Variants in CSMD1 observed in about 807,000 individuals in gnomAD.
The protein encoded by CSMD1 is CUB and Sushi multiple domains 1, also known as CUB and sushi domain-containing protein 1.
CSMD1 carries 213 observed loss-of-function variants against 417.5 expected under a neutral mutation model. That is an observed-to-expected ratio of 0.51 (90% CI 0.46 to 0.57). The LOEUF is 0.57. CSMD1 is among the 20% of genes least tolerant of loss of function. The probability of loss-of-function intolerance (pLI) is 0.00; values close to 1 mark genes in which losing one functional copy is unlikely to be tolerated. For synonymous variants in CSMD1, 2,862 were observed against 1,736.8 expected, an observed-to-expected ratio of 1.65 and a Z score of -16.11; for missense variants, 6,923 against 4,529.7, an observed-to-expected ratio of 1.53 and a Z score of -15.17.
chr8:4,727,951 T>A (rs1585007294), intron 1 of CSMD1, among the ~76,000 whole-genome samples: 1 of 79,560 alleles, frequency 1.3e-5, no homozygotes, highest in East Asian at 3.5e-4. Flanking sequence ...AAAATATATA[T>A]ATGTATATAT....
chr8:2,991,456 CATTTTCTA>C (rs1176059463), intron 54 of CSMD1, among the ~76,000 whole-genome samples: 1 of 152,084 alleles, frequency 6.6e-6, no homozygotes, highest in East Asian at 1.9e-4. Context: ...AAACCAGAAT[CATTTTCTA>C]AAAGGCCAGA....
chr8:4,779,552 T>G (rs529255390), intron 1 of CSMD1, among the ~76,000 whole-genome samples: 4 of 152,274 alleles, frequency 2.6e-5, no homozygotes, highest in Admixed American at 6.5e-5. Context: ...GTTATAAATG[T>G]CAAGAACAAA....
chr8:4,968,550 T>A (rs545465049), intron 1 of CSMD1, among the ~76,000 whole-genome samples: 2 of 152,080 alleles, frequency 1.3e-5, no homozygotes, highest in South Asian at 2.1e-4. Flanking sequence ...TTAATATTTT[T>A]TATATATATT....
At chr8:4,288,676 T>C (rs56087501) in intron 3 of CSMD1, among the ~76,000 whole-genome samples, 1 of 152,268 alleles carries the variant, frequency 6.6e-6, no homozygotes, top group African/African-American at 2.4e-5. Context: ...CTTTTCAACA[T>C]TTGTAACCTC....
At chr8:4,459,284 T>C (rs1799667255) in intron 2 of CSMD1, among the ~76,000 whole-genome samples, 1 of 152,234 alleles carries the variant, frequency 6.6e-6, no homozygotes. Flanking sequence ...CTGTCACTTG[T>C]GCACCAGATG....
chr8:4,032,094 G>C lies in CSMD1; in HGVS notation c.421C>G (p.Pro141Ala), dbSNP rs776669654. 14 of 1,601,802 alleles carry C rather than the reference G, an allele frequency of 8.7e-6. No homozygotes were observed. The highest frequency in any genetic ancestry group is 4.5e-5 in the East Asian group (2 of 44,604). ...CCAGGATTTCCACAAGTGTGGCTAG[G>C]TAAAACTATTGGAAAAAGAAAAGAA... Reference protein sequence around the residue: ...QGFKALYEVLPSHTCGNPGEI... With the variant: ...QGFKALYEVLASHTCGNPGEI... The change falls in exon 4 of 70, where the codon CCT (proline) becomes GCT (alanine). Residue 141 changes from proline (P) to alanine (A), a missense_variant. Transcript: ENST00000635120.
chr8:4,852,598 A>G (rs1801542332), intron 1 of CSMD1, among the ~76,000 whole-genome samples: 1 of 152,162 alleles, frequency 6.6e-6, no homozygotes, highest in East Asian at 1.9e-4. Flanking sequence ...CAGGAGTGGG[A>G]TGTTGCTATA....
intron 3 of CSMD1, among the ~76,000 whole-genome samples, chr8:4,397,962 C>G (rs988180023): frequency 6.6e-6 from 1 of 152,168 alleles, no homozygotes; most frequent in African/African-American, 2.4e-5. Context: ...TTGTCATACA[C>G]CTGCTACTGA....
intron 3 of CSMD1, among the ~76,000 whole-genome samples, chr8:4,194,958 A>G (rs1799244751): frequency 6.6e-6 from 1 of 151,810 alleles, no homozygotes; most frequent in African/African-American, 2.4e-5. Flanking sequence ...GTGAAAATGA[A>G]TATGAGAATG....
chr8:3,588,081 C>G (rs1419362011), intron 8 of CSMD1, among the ~76,000 whole-genome samples: 1 of 150,524 alleles, frequency 6.6e-6, no homozygotes, highest in Admixed American at 6.6e-5. Context: ...AAGAAATTTT[C>G]TTTTAAAAAA....
intron 2 of CSMD1, among the ~76,000 whole-genome samples, chr8:4,433,007 C>T (rs950468563): frequency 6.6e-6 from 1 of 152,124 alleles, no homozygotes; most frequent in Non-Finnish European, 1.5e-5. Context: ...TACATTCCCA[C>T]AGGAGCGTCA....
At chr8:3,866,002 T>C (rs568386242) in intron 5 of CSMD1, among the ~76,000 whole-genome samples, 1 of 152,332 alleles carries the variant, frequency 6.6e-6, no homozygotes, top group East Asian at 1.9e-4. Flanking sequence ...TCTGTAGTCA[T>C]GTTAGTGAGA....
intron 5 of CSMD1, among the ~76,000 whole-genome samples, chr8:3,847,631 G>GA (rs1488724620): frequency 1.3e-5 from 2 of 152,112 alleles, no homozygotes; most frequent in African/African-American, 4.8e-5. Flanking sequence ...GGAGCCCCGA[G>GA]AAAACACGGA....
At chr8:3,435,860 G>A (rs184224400) in intron 12 of CSMD1, among the ~76,000 whole-genome samples, 1 of 152,334 alleles carries the variant, frequency 6.6e-6, no homozygotes, top group Non-Finnish European at 1.5e-5. Flanking sequence ...GATTCCTCCT[G>A]ACTTTGCTTC....
At chr8:4,342,227 G>C (rs904176479) in intron 3 of CSMD1, among the ~76,000 whole-genome samples, 25 of 11,080 alleles carry the variant, frequency 2.3e-3, no homozygotes, top group African/African-American at 9.1e-3. Flanking sequence ...GTGTGTGTGT[G>C]TGTGTCTGTG....
At chr8:3,137,820 C>A (rs1325341581) in intron 41 of CSMD1, among the ~76,000 whole-genome samples, 1 of 152,196 alleles carries the variant, frequency 6.6e-6, no homozygotes. Context: ...GTGCTTGAAT[C>A]CACACATGCA....
intron 21 of CSMD1, among the ~76,000 whole-genome samples, chr8:3,352,709 G>A (rs552104878): frequency 1.3e-5 from 2 of 152,266 alleles, no homozygotes; most frequent in East Asian, 1.9e-4. Flanking sequence ...GCATGGTGGT[G>A]CATGCCGGTT....
chr8:4,646,115 T>G (rs1372609902), intron 1 of CSMD1, among the ~76,000 whole-genome samples: 1 of 152,214 alleles, frequency 6.6e-6, no homozygotes, highest in African/African-American at 2.4e-5. Flanking sequence ...GAGCTTATAT[T>G]TCAATAATGC....
intron 42 of CSMD1, 108 bp from the exon 43 acceptor site, chr8:3,110,443 A>G (rs899577464): frequency 2.3e-6 from 2 of 871,892 alleles, no homozygotes; most frequent in Admixed American, 3.6e-5. Context: ...CCTGATGGGA[A>G]ATAGGTGTGA....
Sources: allele counts gnomAD v4.1 joint callset (sites outside exome capture counted in the v4.1 genomes callset), GRCh38; gene constraint gnomAD v4.1.1; transcripts MANE v1.5; gene names NCBI Gene and HGNC (gene_info 2026-07-23, HGNC 2026-07-21).